Variants in CTNND1 observed in about 807,000 individuals in gnomAD.
CTNND1 encodes catenin delta-1.
Under a neutral mutation model 112.1 loss-of-function variants are expected in CTNND1, and 16 were observed. The observed-to-expected ratio is 0.14, with a 90% CI of 0.10 to 0.22. The LOEUF is 0.22. Ranked by LOEUF, CTNND1 falls within the 10% of genes least tolerant of loss-of-function variation. The pLI, the probability that CTNND1 is intolerant of heterozygous loss-of-function variation, is 1.00. For synonymous variants in CTNND1, 420 were observed against 446.5 expected, an observed-to-expected ratio of 0.94 and a Z score of 0.75; for missense variants, 1,008 against 1,257.0, an observed-to-expected ratio of 0.80 and a Z score of 3.00.
intron 6 of CTNND1, among the ~76,000 whole-genome samples, chr11:57,797,217 G>A (rs1194508178): frequency 6.8e-6 from 1 of 147,594 alleles, no homozygotes; most frequent in African/African-American, 2.5e-5. Flanking sequence ...TTTTTTAAAT[G>A]AAAATAATAT....
chr11:57,807,395 CAG>C (rs2062811280), intron 12 of CTNND1, among the ~76,000 whole-genome samples: 1 of 152,018 alleles, frequency 6.6e-6, no homozygotes, highest in South Asian at 2.1e-4. Context: ...CACCTGAGAT[CAG>C]GAGTTTGAGA....
intron 1 of CTNND1, among the ~76,000 whole-genome samples, chr11:57,776,479 C>G (rs1954260901): frequency 6.6e-6 from 1 of 152,150 alleles, no homozygotes; most frequent in Non-Finnish European, 1.5e-5. Context: ...TGCCTCGCCT[C>G]CCTGTAATTC....
At position 57,818,263 on chromosome 11, in the gene CTNND1, T is replaced by C. The variant is rs1169591984; in HGVS notation, c.*1955T>C. On this transcript the variant is annotated 3_prime_UTR_variant, in exon 21 of 21. Coordinates refer to ENST00000399050, the MANE Select transcript of CTNND1 (RefSeq NM_001085458.2). ...GCTTTTGGGGACCTTTAACTTTTTT[T>C]TCTCTCTTTTGTTTATAAAAAACAC... 6.6e-6 allele frequency: 1 copy of C among 152,390 alleles called. No homozygotes were observed. Among genetic ancestry groups the C allele is most frequent in the Non-Finnish European group, 1.5e-5 (1 of 68,002 alleles). The allele number at this position is 152,390 out of a possible 1,614,324, so 9.4% of individuals were successfully genotyped here.
At position 57,796,586 on chromosome 11, in the gene CTNND1, A is replaced by C. The variant is rs776325877; in HGVS notation, c.550A>C (p.Lys184Gln). Residue 184 changes from lysine (K) to glutamine (Q), a missense_variant, in exon 6 of 21, where the codon AAG becomes CAG. Lys to Gln is a moderately conservative substitution (Grantham distance 53). Transcript: ENST00000399050. Reference protein sequence around the residue: ...YIQTLGRDFRKNGNGGPGPYV... With the variant: ...YIQTLGRDFRQNGNGGPGPYV... ...CCAGACTTTGGGTCGTGATTTCCGC[A>C]AGAATGGCAATGGGGGACCTGGTCC... 1.9e-6 allele frequency: 3 copies of C among 1,613,892 alleles called. No homozygotes were observed. The highest frequency in any genetic ancestry group is 2.7e-5 in the African/African-American group (2 of 74,918).
chr11:57,813,127 T>C (rs951697313), intron 17 of CTNND1, among the ~76,000 whole-genome samples: 2 of 151,932 alleles, frequency 1.3e-5, no homozygotes, highest in African/African-American at 4.8e-5. Context: ...GCCCAGGAGT[T>C]TGAGACCAGC....
At chr11:57,778,905 G>A (rs1185700317) in intron 1 of CTNND1, among the ~76,000 whole-genome samples, 2 of 152,182 alleles carry the variant, frequency 1.3e-5, no homozygotes, top group Non-Finnish European at 1.5e-5. Flanking sequence ...AATGGGTCTC[G>A]GAGCATCTAG....
At chr11:57,794,766 CAA>C (rs778799957) in intron 4 of CTNND1, among the ~76,000 whole-genome samples, 3 of 137,868 alleles carry the variant, frequency 2.2e-5, no homozygotes, top group South Asian at 4.4e-4. Context: ...GCCTGGGCAA[CAA>C]GAGCAAAACT....
chr11:57,788,503 G>GC lies in CTNND1; in HGVS notation c.-213-531dup, dbSNP rs1565315030. Among the ~76,000 whole-genome samples, 1 of 152,184 alleles carries GC rather than the reference G, an allele frequency of 6.6e-6. No homozygotes were observed. The highest frequency in any genetic ancestry group is 1.5e-5 in the Non-Finnish European group (1 of 68,038). ...TCTGCATACACTCTAAGCCAAACAGGCCCGGGCATTTGTGCTTGGTGGGGC... is the reference window on the plus strand; with the variant it reads ...TCTGCATACACTCTAAGCCAAACAGGCCCCGGGCATTTGTGCTTGGTGGGGC... On this transcript the variant is annotated intron_variant, in intron 1 of 20. Transcript: ENST00000399050. This position sits in a 1 kb window ranked among gnomAD's most constrained non-coding sequence, Gnocchi z 4.1.
In CTNND1 at chr11:57,791,394, A is replaced by T; in HGVS notation, c.-85A>T. The T allele has an allele frequency of 7.3e-7, 1 of 1,371,086 alleles. No individual in the cohort carries two copies. Among genetic ancestry groups the T allele is most frequent in the Non-Finnish European group, 9.5e-7 (1 of 1,055,836 alleles). 84.9% of individuals were successfully genotyped at this position (1,371,086 alleles called of 1,614,324 possible). On this transcript the variant is annotated 5_prime_UTR_variant, in exon 3 of 21. Transcript: ENST00000399050. ...TACCCTTTCCCGGTAGTGTGAAGTGAGGGGGTCTCTCTCCCTCCTTCTCCT... is the reference window on the plus strand; with the variant it reads ...TACCCTTTCCCGGTAGTGTGAAGTGTGGGGGTCTCTCTCCCTCCTTCTCCT...
In CTNND1 at chr11:57,803,888, C is replaced by T. The variant is rs1181338939; in HGVS notation, c.1604+84C>T. On this transcript the variant is annotated intron_variant, in intron 8 of 20. Coordinates refer to ENST00000399050, the MANE Select transcript of CTNND1 (RefSeq NM_001085458.2). ...CTAAAAAAAAAAAAAAATTAAAATT[C>T]TTTAGCCTATTCTTTAGCCTCCATT... The T allele has an allele frequency of 3.7e-6, 4 of 1,074,674 alleles. 1 individual carries two copies. The African/African-American group carries it at 4.8e-5, about 13-fold the overall frequency. 66.6% of individuals were successfully genotyped at this position (1,074,674 alleles called of 1,614,324 possible).
intron 1 of CTNND1, among the ~76,000 whole-genome samples, chr11:57,772,155 C>T (rs1952837440): frequency 6.8e-6 from 1 of 146,760 alleles, no homozygotes; most frequent in African/African-American, 2.5e-5. Flanking sequence ...TGGTCTCAAA[C>T]TTCTGAGCTC....
chr11:57,782,546 C>A (rs2059687944), intron 1 of CTNND1, among the ~76,000 whole-genome samples: 1 of 152,212 alleles, frequency 6.6e-6, no homozygotes, highest in South Asian at 2.1e-4. Flanking sequence ...GGTACAGAAA[C>A]AGCTGGATTG....
At chr11:57,773,808 G>C (rs1039287758) in intron 1 of CTNND1, among the ~76,000 whole-genome samples, 4 of 151,892 alleles carry the variant, frequency 2.6e-5, no homozygotes, top group African/African-American at 9.7e-5. Flanking sequence ...CGGGCGTGGT[G>C]GTGGGTACTT....
At chr11:57,787,525 C>T (rs1032833983) in intron 1 of CTNND1, among the ~76,000 whole-genome samples, 1 of 152,186 alleles carries the variant, frequency 6.6e-6, no homozygotes, top group Admixed American at 6.5e-5. Context: ...TGAGTTAGAC[C>T]GGGCTAATTT....
chr11:57,768,661 G>A (rs1041115422), intron 1 of CTNND1, among the ~76,000 whole-genome samples: 9 of 151,888 alleles, frequency 5.9e-5, no homozygotes, highest in African/African-American at 2.2e-4. Flanking sequence ...CCAAAGTGCT[G>A]GGATTACAGG....
chr11:57,773,058 A>G (rs1953115357), intron 1 of CTNND1, among the ~76,000 whole-genome samples: 4 of 152,220 alleles, frequency 2.6e-5, no homozygotes, highest in Non-Finnish European at 1.5e-5. Flanking sequence ...TGCATGGGAA[A>G]TAATCCAGGC....
intron 1 of CTNND1, among the ~76,000 whole-genome samples, chr11:57,765,664 C>G (rs1950878854): frequency 6.6e-6 from 1 of 151,764 alleles, no homozygotes; most frequent in African/African-American, 2.4e-5. Flanking sequence ...GATGGGGTCT[C>G]TCTATGTAGT....
intron 1 of CTNND1, among the ~76,000 whole-genome samples, chr11:57,787,647 A>G (rs182883885): frequency 6.6e-6 from 1 of 152,264 alleles, no homozygotes. Context: ...GTTTACTGCC[A>G]TTGTTGGGTA....
chr11:57,768,529 G>A (rs1951720506), intron 1 of CTNND1, among the ~76,000 whole-genome samples: 1 of 151,394 alleles, frequency 6.6e-6, no homozygotes. Context: ...GAGTAGCTGG[G>A]ACTACAGGCG....
Sources: allele counts gnomAD v4.1 joint callset (sites outside exome capture counted in the v4.1 genomes callset), GRCh38; gene constraint gnomAD v4.1.1; non-coding constraint Gnocchi (gnomAD v3.1); transcripts MANE v1.5; gene names NCBI Gene and HGNC (gene_info 2026-07-23, HGNC 2026-07-21).